NDST3: variants seen among roughly 807,000 people sequenced by gnomAD.
NDST3 encodes the protein N-deacetylase and N-sulfotransferase 3.
In NDST3, 58 loss-of-function variants were observed where a neutral mutation model predicts 96.1. The observed-to-expected ratio is 0.60, with a 90% confidence interval of 0.49 to 0.75. NDST3 has a LOEUF of 0.75. Ranked by LOEUF, NDST3 falls within the 30% of genes least tolerant of loss-of-function variation. The pLI is 0.00. For synonymous variants in NDST3, 333 were observed against 359.7 expected, an observed-to-expected ratio of 0.93 and a Z score of 0.84; for missense variants, 788 against 1,034.2, an observed-to-expected ratio of 0.76 and a Z score of 3.27.
At position 118,072,922 on chromosome 4, in the gene NDST3, C is replaced by T. The variant is rs1015496960; in HGVS notation, c.981+18031C>T. ...GTTCCTTCAATGCCTAGTCTGTTGA[C>T]GGTTTTTAACATGAAGGAAGTTGAA... On this transcript the variant is annotated intron_variant, in intron 2 of 13. Coordinates refer to ENST00000296499, the MANE Select transcript of NDST3 (RefSeq NM_004784.3). Among the ~76,000 whole-genome samples, 12 of 151,894 alleles carry T rather than the reference C, an allele frequency of 7.9e-5. No homozygotes were observed. In the East Asian group the frequency reaches 9.7e-4, roughly 12 times the overall value.
intron 2 of NDST3, among the ~76,000 whole-genome samples, chr4:118,079,422 T>C (rs991990298): frequency 1.3e-5 from 2 of 152,050 alleles, no homozygotes; most frequent in Non-Finnish European, 2.9e-5. Flanking sequence ...AAGAGGAGAA[T>C]AGCCTACAAT....
intron 4 of NDST3, among the ~76,000 whole-genome samples, chr4:118,117,124 C>A (rs1220811403): frequency 6.6e-6 from 1 of 151,990 alleles, no homozygotes; most frequent in Non-Finnish European, 1.5e-5. Flanking sequence ...GAAATAAGAC[C>A]AAATATATTA....
rs180938565 is a variant in NDST3, at chr4:118,096,074, G to A, written c.982-8944G>A. 1.4e-4 allele frequency among the ~76,000 whole-genome samples: 22 copies of A among 151,926 alleles called. 1 individual carries two copies. In the East Asian group the frequency reaches 4.3e-3, roughly 29 times the overall value. On this transcript the variant is annotated intron_variant, in intron 2 of 13. Coordinates refer to ENST00000296499, the MANE Select transcript of NDST3 (RefSeq NM_004784.3). ...TGTCTGAACACTGTGTTTTGTTCTT[G>A]TGGTACATACCTAGAAGAAGAATTG...
At chr4:118,091,931 T>A (rs1171078959) in intron 2 of NDST3, among the ~76,000 whole-genome samples, 8 of 151,754 alleles carry the variant, frequency 5.3e-5, no homozygotes, top group Admixed American at 4.6e-4. Flanking sequence ...TGACTTTAAA[T>A]CCTTTTTATA....
chr4:118,220,980 C>T (rs1217072524), intron 6 of NDST3, among the ~76,000 whole-genome samples: 1 of 151,934 alleles, frequency 6.6e-6, no homozygotes, highest in East Asian at 1.9e-4. Flanking sequence ...TGGGTCTAGC[C>T]AGGCTTTCTC....
intron 6 of NDST3, among the ~76,000 whole-genome samples, chr4:118,179,569 T>C (rs920410874): frequency 1.9e-4 from 29 of 152,044 alleles, no homozygotes; most frequent in African/African-American, 6.5e-4. Flanking sequence ...AAAGTTTTAG[T>C]GTCTGGAAAA....
At chr4:118,143,729 T>C (rs748122184) in intron 6 of NDST3, 45 bp downstream of exon 6, 6 of 1,543,698 alleles carry the variant, frequency 3.9e-6, no homozygotes, top group Non-Finnish European at 5.2e-6. Context: ...ATGATAGGGC[T>C]GGCAAAAATT....
chr4:118,176,793 A>G (rs1263511845), intron 6 of NDST3, among the ~76,000 whole-genome samples: 1 of 152,090 alleles, frequency 6.6e-6, no homozygotes, highest in Non-Finnish European at 1.5e-5. Context: ...ACTTTATGAG[A>G]TATGAAATAA....
intron 2 of NDST3, among the ~76,000 whole-genome samples, chr4:118,076,181 G>C (rs1727512279): frequency 6.6e-6 from 1 of 152,114 alleles, no homozygotes; most frequent in Non-Finnish European, 1.5e-5. Flanking sequence ...AGCCTGATAG[G>C]TTTCCCTTTG....
At chr4:118,083,263 G>T (rs1728161790) in intron 2 of NDST3, among the ~76,000 whole-genome samples, 1 of 152,082 alleles carries the variant, frequency 6.6e-6, no homozygotes, top group African/African-American at 2.4e-5. Flanking sequence ...AAGTCTTCTT[G>T]CAAAGAATAC....
chr4:118,227,227 G>GT (rs1553946913), intron 8 of NDST3, among the ~76,000 whole-genome samples: 1,916 of 40,528 alleles, frequency 0.047, 30 homozygotes, highest in African/African-American at 0.075. Context: ...GGTAGCACAT[G>GT]TTTTTTTTTT....
At chr4:118,197,282 AT>A (rs1396226325) in intron 6 of NDST3, among the ~76,000 whole-genome samples, 2 of 151,532 alleles carry the variant, frequency 1.3e-5, no homozygotes, top group Non-Finnish European at 2.9e-5. Flanking sequence ...CTTCAGAATA[AT>A]CTATATGCTG....
At chr4:118,053,007 TG>T (rs1203590883) in intron 1 of NDST3, among the ~76,000 whole-genome samples, 1 of 151,930 alleles carries the variant, frequency 6.6e-6, no homozygotes, top group African/African-American at 2.4e-5. Context: ...GGAAATAGAA[TG>T]GTATAGAAAG....
intron 8 of NDST3, among the ~76,000 whole-genome samples, chr4:118,230,582 A>AG (rs1222926263): frequency 3.9e-5 from 6 of 152,276 alleles, no homozygotes; most frequent in Non-Finnish European, 8.8e-5. Flanking sequence ...TTCAAAAAAA[A>AG]AAAAAAGAAG....
In NDST3 at chr4:118,058,482, A is replaced by T. The variant is rs571051804; in HGVS notation, c.981+3591A>T. Among the ~76,000 whole-genome samples the T allele has an allele frequency of 1.6e-3, 242 of 151,718 alleles. No homozygotes were observed. In the Middle Eastern group the frequency reaches 0.024, roughly 15 times the overall value. ...TTGAGGTCTTTGTTTGTCTAGGAAT[A>T]TGCAAGCTACAAGCCATAGCCTGTA... On this transcript the variant is annotated intron_variant, in intron 2 of 13. Transcript: ENST00000296499.
chr4:118,199,851 A>C (rs939846774), intron 6 of NDST3, among the ~76,000 whole-genome samples: 12 of 152,042 alleles, frequency 7.9e-5, no homozygotes, highest in Admixed American at 2.0e-4. Flanking sequence ...ATCCAGAAGA[A>C]TTATCTGGAT....
intron 6 of NDST3, among the ~76,000 whole-genome samples, chr4:118,146,766 G>A (rs941186542): frequency 1.3e-5 from 2 of 152,210 alleles, no homozygotes; most frequent in African/African-American, 4.8e-5. Flanking sequence ...TCTCACGTAA[G>A]CTGGATGCAG....
At chr4:118,227,044 C>A in intron 8 of NDST3, 62 bp downstream of exon 8, 1 of 1,095,398 alleles carries the variant, frequency 9.1e-7, no homozygotes, top group Non-Finnish European at 1.4e-6. Context: ...ACAATGAGAT[C>A]TTGTCACAAT....
At chr4:118,164,133 C>T (rs1427445519) in intron 6 of NDST3, among the ~76,000 whole-genome samples, 1 of 152,174 alleles carries the variant, frequency 6.6e-6, no homozygotes, top group Non-Finnish European at 1.5e-5. Context: ...AAATGTGGTA[C>T]ATATACACCA....
Sources: allele counts gnomAD v4.1 joint callset (sites outside exome capture counted in the v4.1 genomes callset), GRCh38; gene constraint gnomAD v4.1.1; transcripts MANE v1.5; gene names NCBI Gene and HGNC (gene_info 2026-07-23, HGNC 2026-07-21).